ARHGEF37: variants seen among roughly 807,000 people sequenced by gnomAD.
The protein encoded by ARHGEF37 is Rho guanine nucleotide exchange factor 37, also known as Rho guanine nucleotide exchange factor (GEF) 37.
Under a neutral mutation model 71.1 loss-of-function variants are expected in ARHGEF37, and 55 were observed. The ratio of observed to expected loss-of-function variants is 0.77; its 90% CI spans 0.62 to 0.97. ARHGEF37 has a LOEUF of 0.97. Among genes scored for constraint, ARHGEF37 ranks in the 50% least tolerant of loss-of-function variants. ARHGEF37 has a pLI of 0.00. For missense variants in ARHGEF37, 765 were observed against 836.8 expected (o/e 0.91, Z 1.06); for synonymous variants, 327 against 350.6 (o/e 0.93, Z 0.75).
upstream of ARHGEF37, among the ~76,000 whole-genome samples, chr5:149,576,902 G>T (rs985961507): frequency 6.6e-6 from 1 of 152,142 alleles, no homozygotes; most frequent in African/African-American, 2.4e-5. Context: ...GTTGCAGTGA[G>T]CCGAGATCGT....
At chr5:149,556,371 T>A (rs1011001110) in intron 1 of ARHGEF37, among the ~76,000 whole-genome samples, 1 of 148,160 alleles carries the variant, frequency 6.7e-6, no homozygotes, top group Admixed American at 6.7e-5. Context: ...TTTTTGTATT[T>A]ATTTATTTAT....
intron 1 of ARHGEF37, among the ~76,000 whole-genome samples, chr5:149,571,938 G>A (rs1762971665): frequency 6.9e-6 from 1 of 145,634 alleles, no homozygotes; most frequent in Non-Finnish European, 1.5e-5. Flanking sequence ...AAGTTGACAA[G>A]CTGATTTTTA....
At chr5:149,581,098 C>T (rs1763095725), upstream of ARHGEF37, among the ~76,000 whole-genome samples, 1 of 152,192 alleles carries the variant, frequency 6.6e-6, no homozygotes, top group Admixed American at 6.5e-5. Context: ...AAGGGCTCCT[C>T]GGCAGCCAAC....
chr5:149,552,669 ATCT>A (rs1762695871), intron 1 of ARHGEF37, among the ~76,000 whole-genome samples: 1 of 151,768 alleles, frequency 6.6e-6, no homozygotes. Context: ...GAAACCCCGT[ATCT>A]ACTAAAAATA....
chr5:149,622,591 C>T (rs568622977), intron 9 of ARHGEF37, among the ~76,000 whole-genome samples: 5 of 152,224 alleles, frequency 3.3e-5, no homozygotes, highest in African/African-American at 7.2e-5. Context: ...AGCCAAGGCA[C>T]GGAGAGGTAA....
At chr5:149,613,396 G>T (rs1381786116) in intron 4 of ARHGEF37, among the ~76,000 whole-genome samples, 1 of 151,392 alleles carries the variant, frequency 6.6e-6, no homozygotes, top group Non-Finnish European at 1.5e-5. Context: ...ACTCAGGCTG[G>T]AGTGCAGTGG....
chr5:149,605,931 C>T (rs1436870151), intron 3 of ARHGEF37, among the ~76,000 whole-genome samples: 1 of 152,098 alleles, frequency 6.6e-6, no homozygotes, highest in Admixed American at 6.6e-5. Context: ...ATGAGTATCC[C>T]CTTTTATGCT....
chr5:149,569,719 C>G (rs973909932), intron 1 of ARHGEF37, among the ~76,000 whole-genome samples: 6 of 152,114 alleles, frequency 3.9e-5, no homozygotes, highest in African/African-American at 1.4e-4. Context: ...CAGGTTCAAG[C>G]GATTCTCTGG....
rs138919040 is a variant in ARHGEF37, at chr5:149,553,873, G to A, written c.-12+1750G>A. Among the ~76,000 whole-genome samples the A allele has an allele frequency of 3.0e-3, 453 of 152,190 alleles. 4 individuals are homozygous for A. Among genetic ancestry groups the A allele is most frequent in the African/African-American group, 0.01 (430 of 41,498 alleles). On this transcript the variant is annotated intron_variant, in intron 1 of 2. Coordinates refer to the ARHGEF37 transcript ENST00000505810. The stretch of plus-strand genomic sequence containing the variant: ...TTTGGTTTTTAAAATATTCTTGCTC[G>A]GTTAAAAGTTGAGCCCGGGTGCAGT...
rs1762888869 is a variant in ARHGEF37, at chr5:149,565,760, G to A, written c.-12+13637G>A. Among the ~76,000 whole-genome samples, 5 of 149,130 alleles carry A rather than the reference G, an allele frequency of 3.4e-5. No homozygotes were observed. The South Asian group carries it at 1.1e-3, about 32-fold the overall frequency. On this transcript the variant is annotated intron_variant, in intron 1 of 2. Coordinates refer to the ARHGEF37 transcript ENST00000505810. ...TACTGATCAGACAGGGCCTTTCATG[G>A]TCATCATGACTTGGTGAGGACATGT...
intron 3 of ARHGEF37, among the ~76,000 whole-genome samples, chr5:149,603,824 T>C (rs1055082986): frequency 6.6e-6 from 1 of 152,130 alleles, no homozygotes; most frequent in Non-Finnish European, 1.5e-5. Flanking sequence ...TAATCCCAGC[T>C]ATGCAGGAGT....
At chr5:149,588,437 C>T (rs774627980) in intron 1 of ARHGEF37, among the ~76,000 whole-genome samples, 3 of 152,162 alleles carry the variant, frequency 2.0e-5, no homozygotes, top group Admixed American at 6.5e-5. Context: ...GCTGAGATTA[C>T]AGGCGTGTGC....
At chr5:149,618,478 G>A (rs1420530442) in intron 6 of ARHGEF37, among the ~76,000 whole-genome samples, 172 bp downstream of exon 6, 1 of 152,242 alleles carries the variant, frequency 6.6e-6, no homozygotes, top group South Asian at 2.1e-4. Flanking sequence ...TGAAGAGCCA[G>A]TGGAGGGGTT....
intron 1 of ARHGEF37, among the ~76,000 whole-genome samples, chr5:149,590,570 G>A (rs1043151850): frequency 2.0e-5 from 3 of 149,310 alleles, no homozygotes; most frequent in Non-Finnish European, 3.0e-5. Context: ...GTGAGCCACC[G>A]CGTCTGGCCT....
At chr5:149,559,908 GTC>G (rs1208035134) in intron 1 of ARHGEF37, among the ~76,000 whole-genome samples, 1 of 152,114 alleles carries the variant, frequency 6.6e-6, no homozygotes, top group African/African-American at 2.4e-5. Flanking sequence ...TATTAAAAAT[GTC>G]TGTTTTATGA....
At chr5:149,553,476 A>G (rs1762713443) in intron 1 of ARHGEF37, among the ~76,000 whole-genome samples, 1 of 151,842 alleles carries the variant, frequency 6.6e-6, no homozygotes, top group African/African-American at 2.4e-5. Flanking sequence ...AGTTTTCCAG[A>G]GATCACTCCT....
At chr5:149,564,800 G>A (rs1482381168) in intron 1 of ARHGEF37, among the ~76,000 whole-genome samples, 1 of 152,122 alleles carries the variant, frequency 6.6e-6, no homozygotes, top group African/African-American at 2.4e-5. Context: ...CTCCAGCCTG[G>A]GCAACAAGAG....
chr5:149,565,296 G>T (rs552017540), intron 1 of ARHGEF37, among the ~76,000 whole-genome samples: 24 of 152,302 alleles, frequency 1.6e-4, no homozygotes, highest in Non-Finnish European at 2.2e-4. Flanking sequence ...GTGGACCGAT[G>T]AGCCATGACA....
chr5:149,590,666 T>C (rs1353851910), intron 1 of ARHGEF37, among the ~76,000 whole-genome samples: 1 of 151,704 alleles, frequency 6.6e-6, no homozygotes, highest in Non-Finnish European at 1.5e-5. Flanking sequence ...TCTTGGCTCT[T>C]GGCTTACTGC....
Sources: gnomAD v4.1 joint callset for allele counts (sites outside exome capture counted in the v4.1 genomes callset) on GRCh38, gnomAD v4.1.1 for gene constraint, MANE v1.5 for transcripts, NCBI Gene and HGNC (gene_info 2026-07-23, HGNC 2026-07-21) for gene names.